PIBF1: variants seen among roughly 807,000 people sequenced by gnomAD.
The protein encoded by PIBF1 is progesterone-induced-blocking factor 1.
PIBF1 carries 90 observed loss-of-function variants against 112.5 expected under a neutral mutation model. That is an observed-to-expected ratio of 0.80 (90% CI 0.67 to 0.95). PIBF1 has a LOEUF of 0.95. Among genes scored for constraint, PIBF1 ranks in the 40% least tolerant of loss-of-function variants. PIBF1 has a pLI of 0.00. For synonymous variants in PIBF1, 301 were observed against 288.6 expected (o/e 1.04, Z -0.44); for missense variants, 915 against 852.3 (o/e 1.07, Z -0.92).
At position 73,009,709 on chromosome 13, in the gene PIBF1, A is replaced by G. The variant is rs2044138173; in HGVS notation, c.2224-6160A>G. ...TTAGTCCTATGGGAACAGACTTTGA[A>G]ATTAAAATGGTTGTGATAAGACATC... On this transcript the variant is annotated intron_variant, in intron 17 of 17. Transcript: ENST00000326291. Among the ~76,000 whole-genome samples, 5 of 152,182 alleles carry G rather than the reference A, an allele frequency of 3.3e-5. No homozygotes were observed. In the South Asian group the frequency reaches 1.0e-3, roughly 31 times the overall value.
chr13:72,936,638 T>G (rs2041879037), intron 14 of PIBF1, among the ~76,000 whole-genome samples: 1 of 152,214 alleles, frequency 6.6e-6, no homozygotes, highest in South Asian at 2.1e-4. Context: ...CGACTCTCTG[T>G]TCCAGTTATC....
chr13:72,932,981 G>C (rs1351171486), intron 14 of PIBF1, among the ~76,000 whole-genome samples: 1 of 151,912 alleles, frequency 6.6e-6, no homozygotes, highest in Admixed American at 6.6e-5. Flanking sequence ...CCAGTTTTTG[G>C]AATAAAGCTC....
chr13:72,999,925 C>T (rs61966214), intron 17 of PIBF1, among the ~76,000 whole-genome samples: 32,277 of 152,144 alleles, frequency 0.21, 3,507 homozygotes, highest in East Asian at 0.26. Flanking sequence ...AAAAATTACC[C>T]GGGTGTGGTG....
At chr13:72,972,523 G>T (rs2042922468) in intron 15 of PIBF1, among the ~76,000 whole-genome samples, 1 of 152,070 alleles carries the variant, frequency 6.6e-6, no homozygotes, top group African/African-American at 2.4e-5. Context: ...AATTAGCCGG[G>T]CATGGTGGCA....
chr13:72,820,953 T>A (rs1319048879), intron 5 of PIBF1, among the ~76,000 whole-genome samples: 44 of 152,118 alleles, frequency 2.9e-4, no homozygotes, highest in Admixed American at 2.8e-3. Context: ...GTGGTGGAGG[T>A]CCAGCGTTGA....
At chr13:72,954,514 C>G (rs1034923710) in intron 14 of PIBF1, among the ~76,000 whole-genome samples, 1 of 152,232 alleles carries the variant, frequency 6.6e-6, no homozygotes, top group Non-Finnish European at 1.5e-5. Flanking sequence ...TGGCTTTCCT[C>G]CATCCCCGCT....
At chr13:72,940,720 C>T (rs2041988256) in intron 14 of PIBF1, among the ~76,000 whole-genome samples, 2 of 152,116 alleles carry the variant, frequency 1.3e-5, no homozygotes, top group African/African-American at 2.4e-5. Context: ...AAGGGTTTAT[C>T]GTAAGGCCAA....
At chr13:72,856,054 A>G (rs773259404) in intron 10 of PIBF1, among the ~76,000 whole-genome samples, 10 of 152,122 alleles carry the variant, frequency 6.6e-5, no homozygotes, top group Non-Finnish European at 1.2e-4. Flanking sequence ...CGTAAGCTAC[A>G]CTCTTAACCT....
At chr13:72,834,143 T>C (rs536129183) in intron 8 of PIBF1, among the ~76,000 whole-genome samples, 2 of 152,314 alleles carry the variant, frequency 1.3e-5, no homozygotes, top group East Asian at 3.9e-4. Flanking sequence ...CTCAGTATGC[T>C]AACGATTTCC....
chr13:72,837,179 A>G (rs771040724), intron 9 of PIBF1, among the ~76,000 whole-genome samples: 10 of 152,144 alleles, frequency 6.6e-5, no homozygotes, highest in Non-Finnish European at 1.3e-4. Context: ...TGCATGCCAG[A>G]AGAAATTATA....
At chr13:72,951,644 A>C (rs1314641845) in intron 14 of PIBF1, among the ~76,000 whole-genome samples, 1 of 152,212 alleles carries the variant, frequency 6.6e-6, no homozygotes, top group Non-Finnish European at 1.5e-5. Context: ...TCAGTAAAAC[A>C]GCAGTTGCCA....
chr13:72,903,789 C>A (rs912490039), intron 11 of PIBF1, among the ~76,000 whole-genome samples: 8 of 152,270 alleles, frequency 5.3e-5, no homozygotes, highest in Middle Eastern at 6.8e-3. Flanking sequence ...AGAATTTCTT[C>A]TGGCAGTATT....
intron 7 of PIBF1, among the ~76,000 whole-genome samples, chr13:72,827,399 C>T (rs1022170076): frequency 3.3e-5 from 5 of 151,970 alleles, no homozygotes; most frequent in Admixed American, 6.6e-5. Flanking sequence ...CAGGCGTGTG[C>T]CACCATGCCC....
chr13:72,892,194 T>A (rs73524235), intron 10 of PIBF1, among the ~76,000 whole-genome samples: 25 of 152,196 alleles, frequency 1.6e-4, no homozygotes, highest in African/African-American at 5.8e-4. Flanking sequence ...CAGTAAAAAA[T>A]TTATCAGTGT....
intron 8 of PIBF1, among the ~76,000 whole-genome samples, chr13:72,828,343 G>A (rs1253800638): frequency 6.7e-6 from 1 of 150,060 alleles, no homozygotes; most frequent in Non-Finnish European, 1.5e-5. Flanking sequence ...TTGTTACATA[G>A]GTATACACAT....
At chr13:72,834,719 T>G (rs2037277442) in intron 8 of PIBF1, among the ~76,000 whole-genome samples, 1 of 152,208 alleles carries the variant, frequency 6.6e-6, no homozygotes, top group African/African-American at 2.4e-5. Context: ...CATTCATAAT[T>G]TTTCCTAGCC....
chr13:72,965,704 T>G (rs778016440), intron 15 of PIBF1, among the ~76,000 whole-genome samples: 1 of 152,166 alleles, frequency 6.6e-6, no homozygotes, highest in Non-Finnish European at 1.5e-5. Flanking sequence ...AACTCTTTAG[T>G]GTGGTGTAGA....
intron 16 of PIBF1, among the ~76,000 whole-genome samples, chr13:72,986,760 G>A (rs369202761): frequency 8.2e-5 from 12 of 146,678 alleles, no homozygotes; most frequent in South Asian, 4.3e-4. Flanking sequence ...GCGCAATCTC[G>A]GCTCACTGCA....
intron 2 of PIBF1, among the ~76,000 whole-genome samples, chr13:72,789,121 T>G (rs139605183): frequency 5.7e-4 from 87 of 152,292 alleles, no homozygotes; most frequent in African/African-American, 2.0e-3. Context: ...CACTTTTATT[T>G]CCATCTATTG....
Sources: gnomAD v4.1 joint callset for allele counts (sites outside exome capture counted in the v4.1 genomes callset) on GRCh38, gnomAD v4.1.1 for gene constraint, MANE v1.5 for transcripts, NCBI Gene and HGNC (gene_info 2026-07-23, HGNC 2026-07-21) for gene names.